RYR3: variants seen among roughly 807,000 people sequenced by gnomAD.
The protein encoded by RYR3 is brain ryanodine receptor-calcium release channel.
In RYR3, 207 loss-of-function variants were observed where a neutral mutation model predicts 584.3. The ratio of observed to expected loss-of-function variants is 0.35; its 90% CI spans 0.32 to 0.40. The LOEUF (loss-of-function observed/expected upper bound fraction) is 0.40. Among genes scored for constraint, RYR3 ranks in the 10% least tolerant of loss-of-function variants. The probability of loss-of-function intolerance (pLI) is 1.00; values close to 1 mark genes in which losing one functional copy is unlikely to be tolerated. For synonymous variants in RYR3, 2,416 were observed against 2,248.5 expected (o/e 1.07, Z -2.11); for missense variants, 5,616 against 6,089.2 (o/e 0.92, Z 2.59).
chr15:33,530,624 A>G lies in RYR3; in HGVS notation c.312A>G (p.Leu104=), dbSNP rs781062017. 1 of 1,613,752 alleles carries G rather than the reference A, an allele frequency of 6.2e-7. No homozygotes were observed. The highest frequency in any genetic ancestry group is 8.5e-7 in the Non-Finnish European group (1 of 1,179,752). Residue 104 remains leucine (L), a synonymous_variant, in exon 4 of 104, where the codon TTA becomes TTG. Coordinates refer to ENST00000634891, the MANE Select transcript of RYR3 (RefSeq NM_001036.6). The part of the protein sequence containing the change: ...AAQGGGHRTL[L]YGHAVLLRHS... ...AAGGAGGTGGCCACAGGACCCTGTT[A>G]TACGGCCATGCAGTTCTCCTGAGGC...
At chr15:33,434,971 C>T (rs997880012) in intron 1 of RYR3, among the ~76,000 whole-genome samples, 13 of 152,062 alleles carry the variant, frequency 8.5e-5, no homozygotes, top group Non-Finnish European at 1.9e-4. Flanking sequence ...GTGCCCACCA[C>T]CATGCCTGGC....
intron 48 of RYR3, 72 bp from the exon 49 acceptor site, chr15:33,736,163 G>T: frequency 1.0e-6 from 1 of 976,466 alleles, no homozygotes; most frequent in Non-Finnish European, 1.6e-6. Flanking sequence ...TTATTGTTCA[G>T]TGTTTCTTTC....
intron 11 of RYR3, 94 bp from the exon 12 acceptor site, chr15:33,566,584 A>G: frequency 3.0e-6 from 4 of 1,349,222 alleles, no homozygotes; most frequent in South Asian, 1.2e-5. Flanking sequence ...GGAGAAAGGA[A>G]TAAGAGGGAT....
At chr15:33,846,222 C>T (rs1392412684) in intron 93 of RYR3, among the ~76,000 whole-genome samples, 1 of 152,210 alleles carries the variant, frequency 6.6e-6, no homozygotes, top group East Asian at 1.9e-4. Flanking sequence ...GTGGAAGCTG[C>T]TAAGCCTTCC....
intron 93 of RYR3, chr15:33,847,084 A>G (rs936593805): frequency 3.3e-5 from 5 of 152,216 alleles, no homozygotes; most frequent in African/African-American, 9.6e-5. Context: ...CTACAACTTG[A>G]TATTACTACT....
In RYR3 at chr15:33,731,447, AC is replaced by A. The variant is rs755733430; in HGVS notation, c.7204-25del. 53 of 1,549,166 alleles carry A rather than the reference AC, an allele frequency of 3.4e-5. 1 individual carries two copies. The South Asian group carries it at 5.8e-4, about 17-fold the overall frequency. On this transcript the variant is annotated intron_variant, in intron 47 of 103. Transcript: ENST00000634891. ...TTTGCTCTGTTCCTCAGGGCAATTA[AC>A]CTGTGTCCCAATCTTCTTTCTCTAG... is the stretch of plus-strand genomic sequence containing the variant.
At chr15:33,392,429 GA>G (rs1420609184) in intron 1 of RYR3, among the ~76,000 whole-genome samples, 5 of 151,750 alleles carry the variant, frequency 3.3e-5, no homozygotes, top group Non-Finnish European at 7.4e-5. Context: ...GAAGAGAAGG[GA>G]AGGAAGCCAA....
intron 2 of RYR3, among the ~76,000 whole-genome samples, chr15:33,489,016 C>T (rs2050738716): frequency 6.6e-6 from 1 of 152,098 alleles, no homozygotes; most frequent in African/African-American, 2.4e-5. Context: ...AATCATACTA[C>T]TGTTTTGGGT....
Position 33,662,833 on chromosome 15 carries a change from A to G in RYR3, c.5303A>G (p.Lys1768Arg). The change falls in exon 35 of 104, where the codon AAG becomes AGG. Residue 1768 changes from lysine (K) to arginine (R), a missense_variant. Lys to Arg is a conservative substitution (Grantham distance 26, BLOSUM62 2). Transcript: ENST00000634891. ...HSAGTEEGAE[K>R]EEVTQVEEKA... Reference sequence around the variant, plus strand: ...GCGGGGACAGAGGAGGGAGCAGAAAAGGAGGAAGTGACCCAGGTGGAGGAG... The same window carrying G: ...GCGGGGACAGAGGAGGGAGCAGAAAGGGAGGAAGTGACCCAGGTGGAGGAG... 1 of 1,613,886 alleles carries G rather than the reference A, an allele frequency of 6.2e-7. No individual in the cohort carries two copies. The highest frequency in any genetic ancestry group is 8.5e-7 in the Non-Finnish European group (1 of 1,179,878).
chr15:33,731,098 G>A (rs572545059), intron 47 of RYR3, among the ~76,000 whole-genome samples: 12 of 152,312 alleles, frequency 7.9e-5, no homozygotes, highest in African/African-American at 2.9e-4. Flanking sequence ...TAGTAATGTA[G>A]TATCCTGGCA....
intron 1 of RYR3, among the ~76,000 whole-genome samples, chr15:33,436,919 T>C (rs2045776037): frequency 1.3e-5 from 2 of 152,208 alleles, no homozygotes; most frequent in South Asian, 4.1e-4. Context: ...CTTCTAACAT[T>C]TTCAGAGTTT....
chr15:33,848,169 A>G (rs1389009395), intron 93 of RYR3, 122 bp from the exon 94 acceptor site: 1 of 1,254,190 alleles, frequency 8.0e-7, no homozygotes, highest in Non-Finnish European at 1.1e-6. Flanking sequence ...AGGCACTCTA[A>G]GAATTCCACT....
intron 1 of RYR3, among the ~76,000 whole-genome samples, chr15:33,446,501 G>A (rs546093802): frequency 2.6e-5 from 4 of 152,266 alleles, no homozygotes; most frequent in East Asian, 3.9e-4. Flanking sequence ...TTCTTCTGAG[G>A]CCTCTCTCCT....
chr15:33,779,999 A>G (rs552942762), intron 64 of RYR3, among the ~76,000 whole-genome samples: 1 of 152,286 alleles, frequency 6.6e-6, no homozygotes, highest in Non-Finnish European at 1.5e-5. Flanking sequence ...TGACAGAGCA[A>G]GACTCCGTCT....
intron 67 of RYR3, among the ~76,000 whole-genome samples, chr15:33,795,655 A>G (rs994225473): frequency 9.9e-5 from 15 of 152,054 alleles, no homozygotes; most frequent in Non-Finnish European, 1.8e-4. Flanking sequence ...TGGCCTCCCA[A>G]AGTGCTGAGA....
In RYR3 at chr15:33,623,820, A is replaced by T. The variant is rs1287015628; in HGVS notation, c.2371A>T (p.Met791Leu). Residue 791 changes from methionine (M) to leucine (L), a missense_variant, in exon 20 of 104, where the codon ATG becomes TTG. This residue lies in a region of RYR3 where 1,284 missense variants were observed against 1,344.6 expected (regional missense o/e 0.95). Transcript: ENST00000634891. Reference sequence around the variant, plus strand: ...TTCAAATGACAGAGTACGTTTCCTGATGGGTGGACGTCATGGAGAGTTTAA... The same window carrying T: ...TTCAAATGACAGAGTACGTTTCCTGTTGGGTGGACGTCATGGAGAGTTTAA... ...FSAGVKVRFL[M>L]GGRHGEFKFL... 4 of 1,611,520 alleles carry T rather than the reference A, an allele frequency of 2.5e-6. No homozygotes were observed. Among genetic ancestry groups the T allele is most frequent in the Middle Eastern group, 1.6e-4 (1 of 6,082 alleles).
chr15:33,366,544 A>G (rs1975523315), intron 1 of RYR3, among the ~76,000 whole-genome samples: 1 of 152,240 alleles, frequency 6.6e-6, no homozygotes, highest in Admixed American at 6.5e-5. Flanking sequence ...CATCTGAACA[A>G]GAATTAAGGG....
At chr15:33,557,675 G>A (rs549674107) in intron 10 of RYR3, among the ~76,000 whole-genome samples, 92 of 152,200 alleles carry the variant, frequency 6.0e-4, no homozygotes, top group African/African-American at 2.1e-3. Context: ...GAGCCACCAT[G>A]CCCGGCCGGG....
intron 31 of RYR3, among the ~76,000 whole-genome samples, chr15:33,650,805 C>T (rs886309013): frequency 4.6e-5 from 7 of 152,228 alleles, no homozygotes; most frequent in African/African-American, 1.4e-4. Flanking sequence ...AGTGGACCCA[C>T]ATATAATGGA....
Sources: allele counts gnomAD v4.1 joint callset (sites outside exome capture counted in the v4.1 genomes callset), GRCh38; gene constraint gnomAD v4.1.1; regional missense constraint gnomAD v4.1.1; transcripts MANE v1.5; gene names NCBI Gene and HGNC (gene_info 2026-07-23, HGNC 2026-07-21).